The following PPP2R2B variants were observed in gnomAD, a reference collection of about 807,000 sequenced individuals.
PPP2R2B encodes protein phosphatase 2 regulatory subunit Bbeta.
PPP2R2B carries 5 observed loss-of-function variants against 46.0 expected under a neutral mutation model. The observed-to-expected ratio is 0.11, with a 90% confidence interval of 0.06 to 0.23. The LOEUF is 0.23. PPP2R2B is among the 10% of genes least tolerant of loss of function. PPP2R2B has a pLI of 1.00. For missense variants in PPP2R2B, 367 were observed against 575.0 expected (o/e 0.64, Z 3.70); for synonymous variants, 215 against 206.7 (o/e 1.04, Z -0.34).
chr5:146,785,125 C>T (rs1332197351), intron 2 of PPP2R2B, among the ~76,000 whole-genome samples: 1 of 152,160 alleles, frequency 6.6e-6, no homozygotes, highest in Non-Finnish European at 1.5e-5. Flanking sequence ...AATAAACCCT[C>T]AACCTTAATA....
intron 2 of PPP2R2B, among the ~76,000 whole-genome samples, chr5:146,724,989 A>G (rs1751769328): frequency 6.6e-6 from 1 of 152,142 alleles, no homozygotes. Context: ...GTGTTTTTAC[A>G]CACTCATTTA....
In PPP2R2B at chr5:146,939,257, A is replaced by T. The variant is rs1764249528; in HGVS notation, c.79+116408T>A. On this transcript the variant is annotated intron_variant, in intron 1 of 8. Coordinates refer to the PPP2R2B transcript ENST00000336640. ...CTGGAATTTTCCCTTAAAAGTTGAT[A>T]CCTAAAAGGAGAAAATAAAAATAAA... 2.0e-5 allele frequency among the ~76,000 whole-genome samples: 3 copies of T among 152,150 alleles called. No homozygotes were observed. In the South Asian group the frequency reaches 6.2e-4, roughly 32 times the overall value.
intron 1 of PPP2R2B, among the ~76,000 whole-genome samples, chr5:146,933,531 C>T (rs1764035197): frequency 6.6e-6 from 1 of 152,104 alleles, no homozygotes; most frequent in African/African-American, 2.4e-5. Context: ...ATCAACCACA[C>T]TTGGGATACC....
At chr5:147,056,666 T>TGA (rs200190167), upstream of PPP2R2B, among the ~76,000 whole-genome samples, 2 of 151,286 alleles carry the variant, frequency 1.3e-5, no homozygotes, top group Non-Finnish European at 2.9e-5. Flanking sequence ...AGATTTCAAA[T>TGA]GAGAGAGAGA....
intron 8 of PPP2R2B, among the ~76,000 whole-genome samples, chr5:146,596,370 C>G (rs1035902367): frequency 6.6e-6 from 1 of 152,180 alleles, no homozygotes; most frequent in African/African-American, 2.4e-5. Context: ...ATTAACTGAT[C>G]TTTCATTAAC....
chr5:146,750,163 C>G (rs553582097), intron 2 of PPP2R2B, among the ~76,000 whole-genome samples: 2 of 152,308 alleles, frequency 1.3e-5, no homozygotes, highest in South Asian at 4.1e-4. Context: ...ATGCCTCTAT[C>G]TGTCTGTTAA....
chr5:146,809,093 T>C (rs1211472061), intron 2 of PPP2R2B, among the ~76,000 whole-genome samples: 2 of 152,018 alleles, frequency 1.3e-5, no homozygotes, highest in Admixed American at 1.3e-4. Context: ...AAATTATGTA[T>C]TGTATGGATC....
intron 4 of PPP2R2B, among the ~76,000 whole-genome samples, chr5:146,691,589 GAA>G (rs1378079398): frequency 4.6e-5 from 7 of 152,124 alleles, no homozygotes; most frequent in Non-Finnish European, 7.4e-5. Context: ...AATTTTACAT[GAA>G]AAATTGGTTT....
intron 1 of PPP2R2B, among the ~76,000 whole-genome samples, chr5:147,049,376 C>A (rs10476882): frequency 0.022 from 3,275 of 150,434 alleles, 117 homozygotes; most frequent in African/African-American, 0.076. Flanking sequence ...ACAAACAGGG[C>A]TTTTTTTTTA....
At chr5:147,058,038 A>G (rs1443517637), upstream of PPP2R2B, among the ~76,000 whole-genome samples, 3 of 152,162 alleles carry the variant, frequency 2.0e-5, no homozygotes, top group Non-Finnish European at 4.4e-5. Flanking sequence ...TTACTTACCT[A>G]TCTTATCTAA....
intron 1 of PPP2R2B, among the ~76,000 whole-genome samples, chr5:147,003,882 C>T (rs986797970): frequency 2.6e-5 from 4 of 152,080 alleles, no homozygotes; most frequent in South Asian, 2.1e-4. Context: ...CTCCCCTGTC[C>T]CCCAACTCAC....
At chr5:146,931,510 G>T (rs1284451843) in intron 1 of PPP2R2B, among the ~76,000 whole-genome samples, 1 of 152,126 alleles carries the variant, frequency 6.6e-6, no homozygotes, top group Non-Finnish European at 1.5e-5. Flanking sequence ...AGATTCAAGG[G>T]TTGACTGTTT....
At chr5:146,813,261 AACACACAT>A (rs1757740145) in intron 2 of PPP2R2B, among the ~76,000 whole-genome samples, 1 of 152,040 alleles carries the variant, frequency 6.6e-6, no homozygotes, top group Non-Finnish European at 1.5e-5. Context: ...TTTACACACA[AACACACAT>A]ACCTCACATA....
chr5:146,750,827 A>T (rs984561101), intron 2 of PPP2R2B, among the ~76,000 whole-genome samples: 2 of 152,198 alleles, frequency 1.3e-5, no homozygotes, highest in East Asian at 3.8e-4. Context: ...ACATAAAATA[A>T]AACAGTTCAA....
At chr5:146,726,415 G>T (rs750772680) in intron 2 of PPP2R2B, among the ~76,000 whole-genome samples, 1 of 152,138 alleles carries the variant, frequency 6.6e-6, no homozygotes, top group Non-Finnish European at 1.5e-5. Flanking sequence ...GGATTGTGCA[G>T]AAGGGGAGTA....
intron 1 of PPP2R2B, among the ~76,000 whole-genome samples, chr5:147,038,539 T>C (rs1418171298): frequency 6.6e-6 from 1 of 152,204 alleles, no homozygotes; most frequent in Non-Finnish European, 1.5e-5. Context: ...TTTAGAATTC[T>C]GTTCAATGAG....
intron 1 of PPP2R2B, among the ~76,000 whole-genome samples, chr5:147,038,330 C>T (rs1030994408): frequency 3.9e-5 from 6 of 151,976 alleles, no homozygotes; most frequent in Non-Finnish European, 7.4e-5. Flanking sequence ...GAAAGGAGAA[C>T]GAGTTTGATG....
intron 2 of PPP2R2B, among the ~76,000 whole-genome samples, chr5:146,754,471 C>G (rs1406786881): frequency 6.6e-6 from 1 of 152,176 alleles, no homozygotes; most frequent in African/African-American, 2.4e-5. Flanking sequence ...CATATGTGCA[C>G]TATGCCATAT....
chr5:146,774,470 G>A (rs1561896431), intron 2 of PPP2R2B, among the ~76,000 whole-genome samples: 1 of 151,928 alleles, frequency 6.6e-6, no homozygotes, highest in African/African-American at 2.4e-5. Context: ...TAAAGTGGGG[G>A]GTTGTATACT....
Sources: gnomAD v4.1 joint callset for allele counts (sites outside exome capture counted in the v4.1 genomes callset) on GRCh38, gnomAD v4.1.1 for gene constraint, MANE v1.5 for transcripts, NCBI Gene and HGNC (gene_info 2026-07-23, HGNC 2026-07-21) for gene names.